Variants in C1orf105 observed in about 807,000 individuals in gnomAD.
C1orf105 encodes the protein uncharacterized protein C1orf105.
A neutral mutation model predicts 20.8 loss-of-function variants in C1orf105; 17 were observed. The ratio of observed to expected loss-of-function variants is 0.82; its 90% confidence interval spans 0.56 to 1.23. The LOEUF (loss-of-function observed/expected upper bound fraction) is 1.23, where lower values mean the gene tolerates loss of function less well. Among genes scored for constraint, C1orf105 ranks in the 50% most tolerant of loss-of-function variants. The probability of loss-of-function intolerance (pLI) is 0.00; values close to 1 mark genes in which losing one functional copy is unlikely to be tolerated. For synonymous variants in C1orf105, 72 were observed against 72.1 expected (o/e 1.00, Z 0.01); for missense variants, 219 against 213.5 (o/e 1.03, Z -0.16).
intron 1 of C1orf105, among the ~76,000 whole-genome samples, chr1:172,421,666 G>T (rs1223704231): frequency 6.6e-6 from 1 of 152,120 alleles, no homozygotes; most frequent in Non-Finnish European, 1.5e-5. Context: ...ACACAAAAAA[G>T]CACCTTCATA....
intron 4 of C1orf105, among the ~76,000 whole-genome samples, chr1:172,460,439 T>A (rs1649608385): frequency 6.6e-6 from 1 of 152,150 alleles, no homozygotes; most frequent in Admixed American, 6.6e-5. Context: ...TCCAAACAGC[T>A]CATCTTCCCC....
intron 3 of C1orf105, among the ~76,000 whole-genome samples, chr1:172,451,864 A>ATTTT (rs759512222): frequency 2.0e-4 from 12 of 60,576 alleles, no homozygotes; most frequent in Admixed American, 4.1e-4. Flanking sequence ...CTTTATATGG[A>ATTTT]TTCTTTTTTT....
At chr1:172,433,441 C>T (rs2071935039) in intron 1 of C1orf105, among the ~76,000 whole-genome samples, 1 of 152,112 alleles carries the variant, frequency 6.6e-6, no homozygotes, top group Non-Finnish European at 1.5e-5. Context: ...AGAGTGGGGG[C>T]CAATATTCAA....
At chr1:172,451,867 C>CTTTTTTTT (rs11462736) in intron 3 of C1orf105, among the ~76,000 whole-genome samples, 23 of 85,188 alleles carry the variant, frequency 2.7e-4, no homozygotes, top group Admixed American at 5.3e-4. Context: ...TATATGGATT[C>CTTTTTTTT]TTTTTTTTTT....
intron 1 of C1orf105, chr1:172,444,030 C>CA (rs1478985933): frequency 4.0e-6 from 4 of 999,984 alleles, no homozygotes; most frequent in Admixed American, 1.2e-4. Flanking sequence ...CGGCGGCACC[C>CA]AGCCTTTTTC....
At chr1:172,465,685 C>A (rs1167907576) in intron 6 of C1orf105, 1 of 490,974 alleles carries the variant, frequency 2.0e-6, no homozygotes, top group Non-Finnish European at 4.0e-6. Flanking sequence ...TATTGGCAGT[C>A]CTGATGGTAT....
At chr1:172,448,972 T>G (rs1037370078) in intron 3 of C1orf105, among the ~76,000 whole-genome samples, 3 of 152,168 alleles carry the variant, frequency 2.0e-5, no homozygotes, top group Admixed American at 2.0e-4. Flanking sequence ...TGACCCTCGG[T>G]GTCACTGTGG....
At chr1:172,456,084 G>T (rs1329787743) in intron 3 of C1orf105, among the ~76,000 whole-genome samples, 4 of 152,200 alleles carry the variant, frequency 2.6e-5, no homozygotes, top group Non-Finnish European at 4.4e-5. Context: ...AGACACAGGT[G>T]CTCAGGCTGG....
intron 1 of C1orf105, among the ~76,000 whole-genome samples, chr1:172,432,395 G>A (rs1250719981): frequency 1.3e-5 from 2 of 152,194 alleles, no homozygotes; most frequent in African/African-American, 4.8e-5. Context: ...GATTCCAGAG[G>A]AAGGATCAGG....
At chr1:172,455,500 T>G (rs1286358801) in intron 3 of C1orf105, among the ~76,000 whole-genome samples, 1 of 152,254 alleles carries the variant, frequency 6.6e-6, no homozygotes, top group African/African-American at 2.4e-5. Flanking sequence ...ATCTCATGAC[T>G]GATGTCAATG....
chr1:172,454,681 C>T (rs1649040839), intron 3 of C1orf105, among the ~76,000 whole-genome samples: 1 of 152,092 alleles, frequency 6.6e-6, no homozygotes, highest in South Asian at 2.1e-4. Flanking sequence ...GTTCACTCCA[C>T]AAACACCTAC....
At chr1:172,422,757 C>T in intron 1 of C1orf105, among the ~76,000 whole-genome samples, 1 of 114,436 alleles carries the variant, frequency 8.7e-6, no homozygotes, top group Admixed American at 9.6e-5. Flanking sequence ...GAGCCCACTG[C>T]CCTGAAGGGT....
chr1:172,437,845 C>G (rs1457416656), intron 1 of C1orf105, among the ~76,000 whole-genome samples: 1 of 151,774 alleles, frequency 6.6e-6, no homozygotes, highest in Non-Finnish European at 1.5e-5. Context: ...GATAAAAAAG[C>G]CTTCTATTGG....
chr1:172,430,415 A>C, intron 1 of C1orf105: 1 of 620,168 alleles, frequency 1.6e-6, no homozygotes, highest in South Asian at 1.8e-5. Context: ...CGTTTAATGA[A>C]TTTTTAATTT....
intron 1 of C1orf105, chr1:172,431,141 C>T (rs1013548726): frequency 1.9e-6 from 1 of 516,270 alleles, no homozygotes; most frequent in South Asian, 3.1e-5. Context: ...TGAAGAGTTG[C>T]ACATCTCTCA....
chr1:172,434,078 A>G (rs2071959037), intron 1 of C1orf105, among the ~76,000 whole-genome samples: 1 of 152,248 alleles, frequency 6.6e-6, no homozygotes, highest in Non-Finnish European at 1.5e-5. Flanking sequence ...TATGCACCCA[A>G]TAAAGGAGCA....
intron 1 of C1orf105, among the ~76,000 whole-genome samples, chr1:172,434,346 G>C (rs1238356523): frequency 2.0e-5 from 3 of 152,112 alleles, no homozygotes; most frequent in Non-Finnish European, 4.4e-5. Flanking sequence ...TGACCACATA[G>C]TTGGAAGTAA....
intron 2 of C1orf105, among the ~76,000 whole-genome samples, chr1:172,447,743 T>C (rs1416721984): frequency 6.6e-6 from 1 of 152,224 alleles, no homozygotes; most frequent in Non-Finnish European, 1.5e-5. Flanking sequence ...GGAGGTGTGT[T>C]CCCGGCAAAA....
intron 1 of C1orf105, among the ~76,000 whole-genome samples, chr1:172,424,185 G>T (rs538722403): frequency 5.4e-4 from 82 of 152,264 alleles, no homozygotes; most frequent in African/African-American, 1.9e-3. Flanking sequence ...TGAACCTCAT[G>T]AACATGAGCC....
Sources: gnomAD v4.1 joint callset for allele counts (sites outside exome capture counted in the v4.1 genomes callset) on GRCh38, gnomAD v4.1.1 for gene constraint, MANE v1.5 for transcripts, NCBI Gene and HGNC (gene_info 2026-07-23, HGNC 2026-07-21) for gene names.